Variants in SEPTIN4 observed in about 807,000 individuals in gnomAD.
SEPTIN4 encodes the protein septin-4.
Under a neutral mutation model 107.1 loss-of-function variants are expected in SEPTIN4, and 52 were observed. The observed-to-expected ratio is 0.49, with a 90% CI of 0.39 to 0.61. The LOEUF (loss-of-function observed/expected upper bound fraction) is 0.61, where lower values mean the gene tolerates loss of function less well. Ranked by LOEUF, SEPTIN4 falls within the 20% of genes least tolerant of loss-of-function variation. The pLI is 0.00. For missense variants in SEPTIN4, 1,048 were observed against 1,243.5 expected (o/e 0.84, Z 2.36); for synonymous variants, 417 against 467.0 (o/e 0.89, Z 1.38).
rs188375864 is a variant in SEPTIN4, at chr17:58,544,294, T to C, written c.-108A>G. On this transcript the variant is annotated 5_prime_UTR_variant, in exon 1 of 14. Transcript: ENST00000672673. ...ACCCTGTTTTAAAGCTGCTGTTTCT[T>C]GGGCTCCCACAAAAGTGGCTGTTGT... The C allele has an allele frequency of 1.4e-6, 2 of 1,428,740 alleles. No individual in the cohort carries two copies. Among genetic ancestry groups the C allele is most frequent in the East Asian group, 2.3e-5 (1 of 43,610 alleles). The allele number at this position is 1,428,740 out of a possible 1,614,324, so 88.5% of individuals were successfully genotyped here.
At chr17:58,531,350 G>A (rs2144193409) in intron 3 of SEPTIN4, 1 of 152,752 alleles carries the variant, frequency 6.5e-6, no homozygotes, top group East Asian at 1.9e-4. Flanking sequence ...CTGTCCCAGG[G>A]GCAGAAGGAT....
At chr17:58,520,894 GA>G in intron 12 of SEPTIN4, 52 bp from the exon 13 acceptor site, 1 of 1,613,602 alleles carries the variant, frequency 6.2e-7, no homozygotes, top group Non-Finnish European at 8.5e-7. Context: ...CACCCGCTTA[GA>G]TTGAGCCCAG....
At position 58,543,311 on chromosome 17, in the gene SEPTIN4, G is replaced by T; in HGVS notation, c.876C>A (p.Asp292Glu). Residue 292 changes from aspartate to glutamate, a missense_variant, in exon 1 of 14, where the codon GAC becomes GAA. Physicochemically the swap from Asp to Glu is conservative, Grantham distance 45. Around this residue, in one of 2 missense-constraint regions of SEPTIN4, gnomAD observed 787 missense variants for 871.8 expected, o/e 0.90. Transcript: ENST00000672673. ...DGVHRVSARVDPESLHKYSAY... is the reference protein window; with the variant it reads ...DGVHRVSARVEPESLHKYSAY... Reference sequence around the variant, plus strand: ...CAGAATACTTATGAAGAGACTCAGGGTCTACCCGTGCAGAAACTCGGTGTA... The same window carrying T: ...CAGAATACTTATGAAGAGACTCAGGTTCTACCCGTGCAGAAACTCGGTGTA... 6.2e-7 allele frequency: 1 copy of T among 1,614,164 alleles called. No homozygotes were observed.
Position 58,544,004 on chromosome 17 carries a change from G to C in SEPTIN4, c.183C>G (p.Pro61=), listed in dbSNP as rs145553384. The C allele has an allele frequency of 6.2e-7, 1 of 1,613,992 alleles. No homozygotes were observed. Among genetic ancestry groups the C allele is most frequent in the Non-Finnish European group, 8.5e-7 (1 of 1,179,938 alleles). Residue 61 remains proline, a synonymous_variant, in exon 1 of 14, where the codon CCC becomes CCG. Coordinates refer to ENST00000672673, the MANE Select transcript of SEPTIN4 (RefSeq NM_001368771.2). ...ATCGAGGGTAGTCTGATGCTGAATG[G>C]GGAGTGGTGGGATGTGCAGCTTCTG... ...RRSEAAHPTT[P]HSASDYPRSV...
In SEPTIN4 at chr17:58,544,304, CAA is replaced by C. The variant is rs1228847610; in HGVS notation, c.-120_-119del. ...AAAGCTGCTGTTTCTTGGGCTCCCA[CAA>C]AAGTGGCTGTTGTTCTAAGAGTGTC... is the stretch of plus-strand genomic sequence containing the variant. On this transcript the variant is annotated 5_prime_UTR_variant, in exon 1 of 14. Coordinates refer to ENST00000672673, the MANE Select transcript of SEPTIN4 (RefSeq NM_001368771.2). The C allele has an allele frequency of 3.5e-5, 48 of 1,367,596 alleles. No individual in the cohort carries two copies. The Admixed American group carries it at 1.1e-3, about 30-fold the overall frequency. The allele number at this position is 1,367,596 out of a possible 1,614,324, so 84.7% of individuals were successfully genotyped here.
chr17:58,538,096 C>T lies in SEPTIN4; in HGVS notation c.1614+2570G>A, dbSNP rs918534613. On this transcript the variant is annotated intron_variant, in intron 3 of 13. Coordinates refer to ENST00000672673, the MANE Select transcript of SEPTIN4 (RefSeq NM_001368771.2). The surrounding 1 kb of genome is among the most constrained non-coding windows in gnomAD (Gnocchi z 4.7). ...GGCAACAGAACACTTTAAAAAAAAG[C>T]GAGGGAGGGTTCCTTTCACATAGCC... Among the ~76,000 whole-genome samples, 6 of 152,130 alleles carry T rather than the reference C, an allele frequency of 3.9e-5. No individual in the cohort carries two copies. Among genetic ancestry groups the T allele is most frequent in the African/African-American group, 1.4e-4 (6 of 41,418 alleles).
intron 6 of SEPTIN4, 92 bp from the exon 7 acceptor site, chr17:58,525,293 T>C: frequency 6.6e-7 from 1 of 1,508,144 alleles, no homozygotes. Flanking sequence ...TTGCTCAGAC[T>C]GCCTAATCCA....
Position 58,520,370 on chromosome 17 carries a change from G to C in SEPTIN4, c.*56C>G. 1.9e-6 allele frequency: 3 copies of C among 1,554,692 alleles called. No individual in the cohort carries two copies. The highest frequency in any genetic ancestry group is 2.6e-6 in the Non-Finnish European group (3 of 1,133,684). The stretch of plus-strand genomic sequence containing the variant: ...CTGAGCAGAGCTGGTGCTGGGAGGG[G>C]CCGGCATGGACAGGAAGAAGAGGAG... On this transcript the variant is annotated 3_prime_UTR_variant, in exon 14 of 14. Transcript: ENST00000672673.
At chr17:58,539,108 C>T (rs1289401728) in intron 3 of SEPTIN4, 1 of 1,525,724 alleles carries the variant, frequency 6.6e-7, no homozygotes, top group Non-Finnish European at 8.8e-7. Context: ...CCATGCCATC[C>T]TACCTCCAGA....
At position 58,521,683 on chromosome 17, in the gene SEPTIN4, C is replaced by T; in HGVS notation, c.2470-37G>A. 6.2e-7 allele frequency: 1 copy of T among 1,614,226 alleles called. No individual in the cohort carries two copies. Among genetic ancestry groups the T allele is most frequent in the Middle Eastern group, 1.6e-4 (1 of 6,062 alleles). ...ATGAGGGGCCCACAGTTCTGGGGAC[C>T]ACATCCTTTCTAGAAGCCCACCTGA... On this transcript the variant is annotated intron_variant, in intron 9 of 13. Coordinates refer to ENST00000672673, the MANE Select transcript of SEPTIN4 (RefSeq NM_001368771.2). This position sits in a 1 kb window ranked among gnomAD's most constrained non-coding sequence, Gnocchi z 6.4.
chr17:58,526,565 C>G, intron 4 of SEPTIN4, 117 bp downstream of exon 4: 2 of 1,410,624 alleles, frequency 1.4e-6, no homozygotes, highest in Middle Eastern at 4.3e-4. Context: ...CAGATACACA[C>G]ACACACAAAC....
chr17:58,530,181 T>C (rs1453529351), intron 3 of SEPTIN4: 1 of 152,236 alleles, frequency 6.6e-6, no homozygotes, highest in African/African-American at 2.4e-5. Context: ...GTCTGGATAG[T>C]GTCTTAATTT....
chr17:58,524,458 C>T (rs759400745), intron 7 of SEPTIN4: 4 of 151,990 alleles, frequency 2.6e-5, no homozygotes, highest in Non-Finnish European at 5.9e-5. Context: ...TAAAATGTTG[C>T]TAGTGAAAGG....
intron 7 of SEPTIN4, among the ~76,000 whole-genome samples, chr17:58,522,934 T>C (rs1377570242): frequency 6.6e-6 from 1 of 152,172 alleles, no homozygotes; most frequent in Non-Finnish European, 1.5e-5. Flanking sequence ...AATAAATAAA[T>C]TTCCCCAAGA....
intron 3 of SEPTIN4, chr17:58,532,179 G>C: frequency 1.1e-6 from 1 of 882,582 alleles, no homozygotes; most frequent in Non-Finnish European, 1.4e-6. Flanking sequence ...GGGTCGGGGT[G>C]CCCAGCTGGG....
rs1191875956 is a variant in SEPTIN4 at position 58,543,096 on chromosome 17, A to G, written c.1091T>C (p.Met364Thr). Reference sequence around the variant, plus strand: ...ATAGATGGGCTCTGGAGTAACAAACATGGATGACTTGTGGGAGCCCTCAGA... The same window carrying G: ...ATAGATGGGCTCTGGAGTAACAAACGTGGATGACTTGTGGGAGCCCTCAGA... ...SVSEGSHKSS[M>T]FVTPEPIYKQ... The change falls in exon 1 of 14, where the codon ATG becomes ACG. Residue 364 changes from methionine to threonine, a missense_variant. Around this residue, in one of 2 missense-constraint regions of SEPTIN4, gnomAD observed 787 missense variants for 871.8 expected, o/e 0.90. Coordinates refer to ENST00000672673, the MANE Select transcript of SEPTIN4 (RefSeq NM_001368771.2). 1.2e-6 allele frequency: 2 copies of G among 1,612,598 alleles called. No homozygotes were observed. The highest frequency in any genetic ancestry group is 1.7e-6 in the Non-Finnish European group (2 of 1,179,302).
Position 58,544,283 on chromosome 17 carries a change from C to G in SEPTIN4, c.-97G>C, listed in dbSNP as rs886241956. ...CCTGAATATTTACCCTGTTTTAAAG[C>G]TGCTGTTTCTTGGGCTCCCACAAAA... On this transcript the variant is annotated 5_prime_UTR_variant, in exon 1 of 14. Coordinates refer to ENST00000672673, the MANE Select transcript of SEPTIN4 (RefSeq NM_001368771.2). 10 of 1,465,832 alleles carry G rather than the reference C, an allele frequency of 6.8e-6. No individual in the cohort carries two copies. The highest frequency in any genetic ancestry group is 9.1e-6 in the Non-Finnish European group (10 of 1,100,160). 90.8% of individuals were successfully genotyped at this position (1,465,832 alleles called of 1,614,324 possible).
chr17:58,539,873 C>T (rs2043829384), intron 3 of SEPTIN4, among the ~76,000 whole-genome samples: 1 of 152,158 alleles, frequency 6.6e-6, no homozygotes, highest in African/African-American at 2.4e-5. Context: ...TGGATAAGAA[C>T]CCATGGCAGT....
At position 58,543,288 on chromosome 17, in the gene SEPTIN4, G is replaced by C. The variant is rs550498748; in HGVS notation, c.899C>G (p.Ser300Cys). ...GGAGGGCTTGGTTTCAGGATAGGCAGAATACTTATGAAGAGACTCAGGGTC... is the reference window on the plus strand; with the variant it reads ...GGAGGGCTTGGTTTCAGGATAGGCACAATACTTATGAAGAGACTCAGGGTC... ...RVDPESLHKYSAYPETKPSAK... is the reference protein window; with the variant it reads ...RVDPESLHKYCAYPETKPSAK... The change falls in exon 1 of 14, where the codon TCT becomes TGT. Residue 300 changes from serine to cysteine, a missense_variant. Coordinates refer to ENST00000672673, the MANE Select transcript of SEPTIN4 (RefSeq NM_001368771.2). 5 of 1,614,170 alleles carry C rather than the reference G, an allele frequency of 3.1e-6. No homozygotes were observed. The African/African-American group carries it at 6.7e-5, about 22-fold the overall frequency.
Sources: allele counts gnomAD v4.1 joint callset (sites outside exome capture counted in the v4.1 genomes callset), GRCh38; gene constraint gnomAD v4.1.1; regional missense constraint gnomAD v4.1.1; non-coding constraint Gnocchi (gnomAD v3.1); transcripts MANE v1.5; gene names NCBI Gene and HGNC (gene_info 2026-07-23, HGNC 2026-07-21).